SLC25A42: variants seen among roughly 807,000 people sequenced by gnomAD.
The protein encoded by SLC25A42 is mitochondrial coenzyme A transporter SLC25A42.
Under a neutral mutation model 34.7 loss-of-function variants are expected in SLC25A42, and 19 were observed. That is an observed-to-expected ratio of 0.55 (90% CI 0.38 to 0.80). The LOEUF (loss-of-function observed/expected upper bound fraction) is 0.80, where lower values mean the gene tolerates loss of function less well. Ranked by LOEUF, SLC25A42 falls within the 30% of genes least tolerant of loss-of-function variation. SLC25A42 has a pLI of 0.00. For synonymous variants in SLC25A42, 205 were observed against 191.2 expected (o/e 1.07, Z -0.59); for missense variants, 364 against 441.3 (o/e 0.82, Z 1.57).
Position 19,101,882 on chromosome 19 carries a change from C to T in SLC25A42, c.183C>T (p.Phe61=). 6.2e-7 allele frequency: 1 copy of T among 1,612,314 alleles called. No homozygotes were observed. Among genetic ancestry groups the T allele is most frequent in the Non-Finnish European group, 8.5e-7 (1 of 1,179,098 alleles). ...CCCTGGACCGAACCAAAATCATCTT[C>T]CAAGGTAAGTGTTGGCCATCCCCAG... ...VAPLDRTKII[F]QVSSKRFSAK... Residue 61 remains phenylalanine, a synonymous_variant, in exon 3 of 8, where the codon TTC becomes TTT. Coordinates refer to ENST00000318596, the MANE Select transcript of SLC25A42 (RefSeq NM_178526.5).
At chr19:19,097,799 C>T (rs548081647) in intron 2 of SLC25A42, among the ~76,000 whole-genome samples, 4 of 152,204 alleles carry the variant, frequency 2.6e-5, no homozygotes, top group Admixed American at 2.0e-4. Context: ...CCCATCTCTA[C>T]TAAAAATACA....
chr19:19,102,561 T>A (rs952735473), intron 3 of SLC25A42, among the ~76,000 whole-genome samples: 1 of 151,650 alleles, frequency 6.6e-6, no homozygotes, highest in African/African-American at 2.4e-5. Context: ...CTAGCCAACA[T>A]GGTGAAACCC....
At chr19:19,104,101 C>T (rs1457268865) in intron 3 of SLC25A42, among the ~76,000 whole-genome samples, 1 of 151,948 alleles carries the variant, frequency 6.6e-6, no homozygotes, top group Non-Finnish European at 1.5e-5. Flanking sequence ...TTAGTAGAGT[C>T]AGCGTTTCAC....
At chr19:19,106,606 T>A (rs1739704507) in intron 6 of SLC25A42, 1 of 396,084 alleles carries the variant, frequency 2.5e-6, no homozygotes, top group Non-Finnish European at 4.6e-6. Flanking sequence ...CCAAGGGTCT[T>A]CATTTTGAAC....
In SLC25A42 at chr19:19,111,112, C is replaced by T; in HGVS notation, c.*236C>T. 1.7e-6 allele frequency: 1 copy of T among 572,926 alleles called. No individual in the cohort carries two copies. The highest frequency in any genetic ancestry group is 1.9e-5 in the African/African-American group (1 of 52,056). 35.5% of individuals were successfully genotyped at this position (572,926 alleles called of 1,614,324 possible). ...GGGGGGTCCCGCAGCTCCCCTCTTC[C>T]TTCCTCTGCAGACGCTGGCGCTGTC... is the stretch of plus-strand genomic sequence containing the variant. On this transcript the variant is annotated 3_prime_UTR_variant, in exon 8 of 8. Transcript: ENST00000318596.
rs764265137 is a variant in SLC25A42, at chr19:19,108,054, A to G, written c.649+9A>G. 6 of 1,545,362 alleles carry G rather than the reference A, an allele frequency of 3.9e-6. No individual in the cohort carries two copies. The highest frequency in any genetic ancestry group is 3.5e-6 in the Non-Finnish European group (4 of 1,143,012). ...CAAGAGCTTGCACAGAGGTAAGGAG[A>G]GCTGGGAGCATGAGGAGGGGACGTT... is the stretch of plus-strand genomic sequence containing the variant. On this transcript the variant is annotated intron_variant, in intron 7 of 7. Transcript: ENST00000318596.
At chr19:19,068,912 G>A (rs2059616023) in intron 1 of SLC25A42, among the ~76,000 whole-genome samples, 1 of 151,276 alleles carries the variant, frequency 6.6e-6, no homozygotes, top group Non-Finnish European at 1.5e-5. Context: ...CATAGTCCTA[G>A]CTACTCAGGA....
intron 1 of SLC25A42, among the ~76,000 whole-genome samples, chr19:19,071,305 C>T (rs1184800842): frequency 6.6e-6 from 1 of 152,172 alleles, no homozygotes; most frequent in African/African-American, 2.4e-5. Context: ...CCACGCCCAG[C>T]TCCAAGTGTG....
At chr19:19,091,184 C>T (rs897680092) in intron 1 of SLC25A42, among the ~76,000 whole-genome samples, 3 of 152,170 alleles carry the variant, frequency 2.0e-5, no homozygotes, top group Admixed American at 1.3e-4. Flanking sequence ...GGGCTGGGCG[C>T]GGTGGCTCAC....
chr19:19,092,523 A>G lies in SLC25A42; in HGVS notation c.-34-3568A>G, dbSNP rs1413940069. On this transcript the variant is annotated intron_variant, in intron 1 of 7. Transcript: ENST00000318596. ...CTGTCTGGTGGCTCTTCTTGTTCAC[A>G]GAGGCTGGGCAGGTGCAGCCAAGGG... Among the ~76,000 whole-genome samples the G allele has an allele frequency of 2.0e-5, 3 of 152,298 alleles. No individual in the cohort carries two copies. In the East Asian group the frequency reaches 5.8e-4, roughly 29 times the overall value.
Position 19,110,721 on chromosome 19 carries a change from G to T in SLC25A42, c.802G>T (p.Ala268Ser), listed in dbSNP as rs746585668. ...GVTGYPRASI[A>S]RTLRTIVREE... ...CACGGGCTACCCGCGCGCCTCCATC[G>T]CCCGCACGCTGCGCACCATCGTGCG... Residue 268 changes from alanine (A) to serine (S), a missense_variant, in exon 8 of 8, where the codon GCC (alanine) becomes TCC (serine). Transcript: ENST00000318596. 3.1e-6 allele frequency: 5 copies of T among 1,605,988 alleles called. No homozygotes were observed. The highest frequency in any genetic ancestry group is 2.2e-5 in the South Asian group (2 of 90,394).
At chr19:19,085,763 G>A (rs926321972) in intron 1 of SLC25A42, among the ~76,000 whole-genome samples, 1 of 152,132 alleles carries the variant, frequency 6.6e-6, no homozygotes, top group Non-Finnish European at 1.5e-5. Flanking sequence ...GAGGAAGGAA[G>A]GCCTTTGCCT....
At chr19:19,094,738 A>G (rs1045404078) in intron 1 of SLC25A42, among the ~76,000 whole-genome samples, 8 of 152,170 alleles carry the variant, frequency 5.3e-5, no homozygotes, top group Admixed American at 2.0e-4. Context: ...CATTTACTGG[A>G]TGATTTTAAA....
intron 1 of SLC25A42, among the ~76,000 whole-genome samples, chr19:19,094,943 C>T (rs1276539646): frequency 6.6e-6 from 1 of 152,000 alleles, no homozygotes; most frequent in Non-Finnish European, 1.5e-5. Context: ...GCTTGTAATC[C>T]CAGCACTTTG....
intron 2 of SLC25A42, among the ~76,000 whole-genome samples, chr19:19,097,890 G>T (rs990359092): frequency 6.6e-6 from 1 of 151,782 alleles, no homozygotes; most frequent in Non-Finnish European, 1.5e-5. Flanking sequence ...TTGAACTCAG[G>T]AGGTGGAGGT....
Position 19,105,071 on chromosome 19 carries a change from C to G in SLC25A42, c.213+133C>G. On this transcript the variant is annotated intron_variant, in intron 4 of 7. Coordinates refer to ENST00000318596, the MANE Select transcript of SLC25A42 (RefSeq NM_178526.5). ...ACTACCTGTCTTCCCATTCCCAGCT[C>G]TGCCTGGACACAGCCCAGCCTGGGA... 4 of 1,098,888 alleles carry G rather than the reference C, an allele frequency of 3.6e-6. No homozygotes were observed. In the Admixed American group the frequency reaches 7.7e-5, roughly 21 times the overall value. The allele number at this position is 1,098,888 out of a possible 1,614,324, so 68.1% of individuals were successfully genotyped here. A position where few individuals can be genotyped will look rare whatever the true frequency, so the allele number is the denominator to read the frequency against.
chr19:19,101,673 C>T lies in SLC25A42; in HGVS notation c.82-108C>T, dbSNP rs1599685851. On this transcript the variant is annotated intron_variant, in intron 2 of 7. Coordinates refer to ENST00000318596, the MANE Select transcript of SLC25A42 (RefSeq NM_178526.5). Reference sequence around the variant, plus strand: ...AGGCCAACATACTCAGGGTGGGGTACATCCCTCGGCCCCGGCCCAGAGGGT... The same window carrying T: ...AGGCCAACATACTCAGGGTGGGGTATATCCCTCGGCCCCGGCCCAGAGGGT... 2.7e-5 allele frequency: 25 copies of T among 940,766 alleles called. No homozygotes were observed. In the East Asian group the frequency reaches 6.6e-4, roughly 25 times the overall value. The allele number at this position is 940,766 out of a possible 1,614,324, so 58.3% of individuals were successfully genotyped here.
rs368746310 is a variant in SLC25A42 at position 19,081,992 on chromosome 19, C to T, written c.-34-14099C>T. Among the ~76,000 whole-genome samples, 11 of 152,278 alleles carry T rather than the reference C, an allele frequency of 7.2e-5. No homozygotes were observed. Among genetic ancestry groups the T allele is most frequent in the African/African-American group, 2.6e-4 (11 of 41,552 alleles). ...CGTTGTCATGGGAGTGATTGGCCTC[C>T]TGGGACCACTCCCACTAGGGCTGGC... On this transcript the variant is annotated intron_variant, in intron 1 of 7. Transcript: ENST00000318596. The surrounding 1 kb of genome is among the most constrained non-coding windows in gnomAD (Gnocchi z 4.5).
At chr19:19,086,940 T>C (rs2059711091) in intron 1 of SLC25A42, among the ~76,000 whole-genome samples, 1 of 152,114 alleles carries the variant, frequency 6.6e-6, no homozygotes, top group Non-Finnish European at 1.5e-5. Context: ...CAAACTAATA[T>C]AAAAATCATC....
Sources: gnomAD v4.1 joint callset for allele counts (sites outside exome capture counted in the v4.1 genomes callset) on GRCh38, gnomAD v4.1.1 for gene constraint, Gnocchi (gnomAD v3.1) non-coding constraint, MANE v1.5 for transcripts, NCBI Gene and HGNC (gene_info 2026-07-23, HGNC 2026-07-21) for gene names.